The following ERBB4 variants were observed in gnomAD, a reference collection of about 807,000 sequenced individuals.
The protein encoded by ERBB4 is erb-b2 receptor tyrosine kinase 4, also known as receptor tyrosine-protein kinase erbB-4.
Under a neutral mutation model 158.0 loss-of-function variants are expected in ERBB4, and 42 were observed. That is an observed-to-expected ratio of 0.27 (90% CI 0.21 to 0.34). The LOEUF (loss-of-function observed/expected upper bound fraction) is 0.34, where lower values mean the gene tolerates loss of function less well. Ranked by LOEUF, ERBB4 falls within the 10% of genes least tolerant of loss-of-function variation. ERBB4 has a pLI of 1.00. For missense variants in ERBB4, 1,333 were observed against 1,624.1 expected (o/e 0.82, Z 3.08); for synonymous variants, 583 against 558.7 (o/e 1.04, Z -0.61).
intron 1 of ERBB4, among the ~76,000 whole-genome samples, chr2:212,192,441 T>C (rs1574405602): frequency 6.6e-6 from 1 of 152,100 alleles, no homozygotes; most frequent in Non-Finnish European, 1.5e-5. Context: ...CCCATGTATA[T>C]TGAGATCATA....
intron 2 of ERBB4, among the ~76,000 whole-genome samples, chr2:212,101,004 G>A (rs2079065880): frequency 6.6e-6 from 1 of 152,054 alleles, no homozygotes; most frequent in Non-Finnish European, 1.5e-5. Flanking sequence ...TGTTGAGTAT[G>A]AAGTGTCTGG....
intron 3 of ERBB4, among the ~76,000 whole-genome samples, chr2:211,916,294 C>T (rs1396781008): frequency 6.6e-6 from 1 of 152,066 alleles, no homozygotes; most frequent in Non-Finnish European, 1.5e-5. Context: ...ATTCTCCTTC[C>T]TCAGCCTCCC....
chr2:211,896,174 C>G (rs1331857760), intron 3 of ERBB4, among the ~76,000 whole-genome samples: 1 of 152,164 alleles, frequency 6.6e-6, no homozygotes, highest in East Asian at 1.9e-4. Context: ...AACATTAGAC[C>G]TATACATTAA....
intron 2 of ERBB4, among the ~76,000 whole-genome samples, chr2:211,997,639 G>A (rs1310190616): frequency 6.6e-6 from 1 of 151,722 alleles, no homozygotes; most frequent in Non-Finnish European, 1.5e-5. Flanking sequence ...TAAATTAGGT[G>A]CCACAGCTTA....
chr2:211,601,377 A>G (rs997349461), intron 19 of ERBB4, among the ~76,000 whole-genome samples: 2 of 152,056 alleles, frequency 1.3e-5, no homozygotes, highest in Non-Finnish European at 1.5e-5. Context: ...AATATTATCA[A>G]AGATGCCATG....
At chr2:212,399,585 T>TATATATATATATATATATA (rs1560214662) in intron 1 of ERBB4, among the ~76,000 whole-genome samples, 2 of 121,616 alleles carry the variant, frequency 1.6e-5, no homozygotes, top group South Asian at 2.5e-4. Flanking sequence ...TATATATATA[T>TATATATATATATATATATA]TGGGCGTGGT....
At chr2:211,545,836 C>G (rs1018527128) in intron 20 of ERBB4, among the ~76,000 whole-genome samples, 6 of 151,940 alleles carry the variant, frequency 3.9e-5, no homozygotes, top group African/African-American at 1.4e-4. Flanking sequence ...GATCTTGAAA[C>G]CTGAAATGTG....
intron 6 of ERBB4, among the ~76,000 whole-genome samples, chr2:211,724,694 A>C (rs1161499836): frequency 6.6e-6 from 1 of 152,152 alleles, no homozygotes; most frequent in Non-Finnish European, 1.5e-5. Context: ...TATCTTCTAT[A>C]ATCTTGAAAT....
chr2:211,857,464 G>A (rs918572540), intron 3 of ERBB4, among the ~76,000 whole-genome samples: 2 of 151,760 alleles, frequency 1.3e-5, no homozygotes, highest in Non-Finnish European at 2.9e-5. Context: ...CATTTTAAAC[G>A]GCATTGCCTC....
At chr2:211,580,532 C>T (rs1187006854) in intron 19 of ERBB4, among the ~76,000 whole-genome samples, 2 of 151,678 alleles carry the variant, frequency 1.3e-5, no homozygotes, top group Non-Finnish European at 2.9e-5. Context: ...GAACAGGGAA[C>T]ACTTCTACAC....
At position 212,538,621 on chromosome 2, in the gene ERBB4, C is replaced by T. The variant is rs1693248570; in HGVS notation, c.-91G>A. ...ACGCGGAGGAGATCCCCCAGCCGGG[C>T]GCGCGTGGGGGTGCGAGGGGGGCGG... On this transcript the variant is annotated 5_prime_UTR_variant, in exon 1 of 28. Transcript: ENST00000342788. 2 of 1,379,192 alleles carry T rather than the reference C, an allele frequency of 1.5e-6. No individual in the cohort carries two copies. Among genetic ancestry groups the T allele is most frequent in the Non-Finnish European group, 1.0e-6 (1 of 971,454 alleles). 85.4% of individuals were successfully genotyped at this position (1,379,192 alleles called of 1,614,324 possible).
At chr2:212,499,284 AT>A (rs1305852346) in intron 1 of ERBB4, among the ~76,000 whole-genome samples, 2 of 151,944 alleles carry the variant, frequency 1.3e-5, no homozygotes, top group Non-Finnish European at 2.9e-5. Context: ...CATTTCAGTA[AT>A]TTTTTATTAT....
At chr2:211,497,959 T>C (rs2065514915) in intron 20 of ERBB4, among the ~76,000 whole-genome samples, 1 of 152,102 alleles carries the variant, frequency 6.6e-6, no homozygotes, top group South Asian at 2.1e-4. Flanking sequence ...ATGAAAGATG[T>C]ATGATGAAAG....
intron 1 of ERBB4, among the ~76,000 whole-genome samples, chr2:212,293,496 C>T (rs2086283658): frequency 2.0e-5 from 3 of 151,922 alleles, no homozygotes; most frequent in African/African-American, 7.2e-5. Flanking sequence ...AAACAACCAT[C>T]ATCATATACA....
chr2:211,677,270 G>T (rs971773504), intron 13 of ERBB4, among the ~76,000 whole-genome samples: 2 of 152,062 alleles, frequency 1.3e-5, no homozygotes, highest in Non-Finnish European at 2.9e-5. Flanking sequence ...CAAAACTATT[G>T]AAAATACTTT....
chr2:211,596,158 T>C (rs886400495), intron 19 of ERBB4, among the ~76,000 whole-genome samples: 11 of 152,026 alleles, frequency 7.2e-5, no homozygotes, highest in Non-Finnish European at 1.2e-4. Flanking sequence ...TTTAATTCAA[T>C]GTTATATAAG....
At chr2:212,036,320 T>C (rs970984588) in intron 2 of ERBB4, among the ~76,000 whole-genome samples, 12 of 152,130 alleles carry the variant, frequency 7.9e-5, no homozygotes, top group African/African-American at 2.9e-4. Flanking sequence ...ATGGGCAACA[T>C]GAAAGCTGCA....
At chr2:212,447,042 G>C (rs912215730) in intron 1 of ERBB4, among the ~76,000 whole-genome samples, 1 of 150,084 alleles carries the variant, frequency 6.7e-6, no homozygotes, top group Non-Finnish European at 1.5e-5. Context: ...TGTCACCTAG[G>C]CTAGAGTGCA....
chr2:211,765,013 T>C (rs2075517458), intron 4 of ERBB4, among the ~76,000 whole-genome samples: 1 of 152,166 alleles, frequency 6.6e-6, no homozygotes, highest in African/African-American at 2.4e-5. Flanking sequence ...ATGAGCGGTT[T>C]AGTCAATAAC....
Sources: allele counts gnomAD v4.1 joint callset (sites outside exome capture counted in the v4.1 genomes callset), GRCh38; gene constraint gnomAD v4.1.1; transcripts MANE v1.5; gene names NCBI Gene and HGNC (gene_info 2026-07-23, HGNC 2026-07-21).